The following RCN3 variants were observed in gnomAD, a reference collection of about 807,000 sequenced individuals.
The protein encoded by RCN3 is reticulocalbin 3.
A neutral mutation model predicts 35.9 loss-of-function variants in RCN3; 41 were observed. That is an observed-to-expected ratio of 1.14 (90% confidence interval 0.89 to 1.48). The LOEUF is 1.48. Ranked by LOEUF, RCN3 falls within the 40% of genes most tolerant of loss-of-function variation. The pLI is 0.00. For missense variants in RCN3, 451 were observed against 471.3 expected, an observed-to-expected ratio of 0.96 and a Z score of 0.40; for synonymous variants, 187 against 193.4, an observed-to-expected ratio of 0.97 and a Z score of 0.27.
intron 2 of RCN3, among the ~76,000 whole-genome samples, chr19:49,533,807 G>T: frequency 6.6e-6 from 1 of 152,172 alleles, no homozygotes; most frequent in Non-Finnish European, 1.5e-5. Flanking sequence ...GGCCCCCTTG[G>T]CAAGGGTCAC....
chr19:49,535,411 T>C (rs2080129238), intron 3 of RCN3, among the ~76,000 whole-genome samples: 1 of 152,144 alleles, frequency 6.6e-6, no homozygotes, highest in African/African-American at 2.4e-5. Flanking sequence ...ATTTCTTCTC[T>C]CTGAGAATCA....
intron 4 of RCN3, among the ~76,000 whole-genome samples, chr19:49,538,907 C>T (rs2080149717): frequency 1.3e-5 from 2 of 152,252 alleles, no homozygotes; most frequent in South Asian, 2.1e-4. Flanking sequence ...GCTCTGGCCC[C>T]GTAAATGCAG....
At position 49,534,371 on chromosome 19, in the gene RCN3, G is replaced by A. The variant is rs777595790; in HGVS notation, c.421G>A (p.Ala141Thr). Residue 141 changes from alanine (A) to threonine (T), a missense_variant, in exon 3 of 7, where the codon GCC becomes ACC. Physicochemically the swap from Ala to Thr is moderately conservative, Grantham distance 58 (BLOSUM62 0). Transcript: ENST00000270645. ...GRVGWEELRN[A>T]TYGHYAPGEE... ...TGTGGGTTGGGAGGAGCTGCGCAAC[G>A]CCACCTATGGCCACTACGCGCCCGG... The A allele has an allele frequency of 3.9e-6, 6 of 1,536,116 alleles. No homozygotes were observed. Among genetic ancestry groups the A allele is most frequent in the East Asian group, 2.5e-5 (1 of 39,654 alleles).
At chr19:49,533,933 C>T (rs1278671847) in intron 2 of RCN3, among the ~76,000 whole-genome samples, 1 of 152,002 alleles carries the variant, frequency 6.6e-6, no homozygotes, top group African/African-American at 2.4e-5. Context: ...TAGTAGGTCC[C>T]TCCCCCGCAG....
At chr19:49,532,663 C>CGCGCCTGTCCTGTCCTAA in intron 2 of RCN3, among the ~76,000 whole-genome samples, 2 of 151,356 alleles carry the variant, frequency 1.3e-5, no homozygotes, top group South Asian at 2.1e-4. Flanking sequence ...CGTGAGCCAC[C>CGCGCCTGTCCTGTCCTAA]GTGCCCGGCC....
intron 3 of RCN3, among the ~76,000 whole-genome samples, chr19:49,536,408 C>G (rs201331650): frequency 2.8e-5 from 4 of 143,716 alleles, no homozygotes. Flanking sequence ...TCAAGCAATT[C>G]TCCTGCCTCA....
intron 1 of RCN3, 115 bp downstream of exon 1, chr19:49,528,173 A>G (rs1380266682): frequency 1.1e-5 from 4 of 353,136 alleles, no homozygotes; most frequent in Admixed American, 4.7e-5. Flanking sequence ...GGCCACAACT[A>G]TGCCCTGCAC....
intron 2 of RCN3, among the ~76,000 whole-genome samples, chr19:49,532,357 G>C (rs1209290011): frequency 6.6e-6 from 1 of 151,508 alleles, no homozygotes; most frequent in African/African-American, 2.4e-5. Context: ...CGCCCTCCTC[G>C]GCCTCCAAAG....
At chr19:49,535,873 T>TATATATATAGATAG (rs1555811318) in intron 3 of RCN3, among the ~76,000 whole-genome samples, 1 of 144,794 alleles carries the variant, frequency 6.9e-6, no homozygotes, top group Admixed American at 7.0e-5. Context: ...TATATATATA[T>TATATATATAGATAG]ATAGATAGAT....
intron 5 of RCN3, among the ~76,000 whole-genome samples, chr19:49,541,695 G>C (rs1445023123): frequency 6.6e-6 from 1 of 151,920 alleles, no homozygotes; most frequent in Admixed American, 6.6e-5. Flanking sequence ...GTTGCAGTGA[G>C]CTGAGATTGT....
intron 6 of RCN3, 25 bp downstream of exon 6, chr19:49,542,777 A>C: frequency 6.4e-7 from 1 of 1,554,634 alleles, no homozygotes; most frequent in South Asian, 1.2e-5. Flanking sequence ...CCTCGGCAGG[A>C]GCGAGGAGCG....
chr19:49,539,085 C>G, intron 4 of RCN3, 34 bp from the exon 5 acceptor site: 2 of 1,530,454 alleles, frequency 1.3e-6, no homozygotes, highest in Non-Finnish European at 1.8e-6. Flanking sequence ...CCAGGGTCAT[C>G]GGCCCCCAGC....
intron 2 of RCN3, among the ~76,000 whole-genome samples, chr19:49,531,298 A>G (rs2080107155): frequency 6.6e-6 from 1 of 152,130 alleles, no homozygotes; most frequent in African/African-American, 2.4e-5. Flanking sequence ...CAGCCTAAGC[A>G]ACAGAGCAAG....
chr19:49,528,334 T>C, intron 1 of RCN3, 133 bp from the exon 2 acceptor site: 1 of 861,348 alleles, frequency 1.2e-6, no homozygotes, highest in Admixed American at 3.1e-5. Flanking sequence ...CCGCCCTTTT[T>C]GAGCCCGAAA....
intron 3 of RCN3, 145 bp from the exon 4 acceptor site, chr19:49,536,888 G>A: frequency 3.0e-6 from 2 of 673,982 alleles, no homozygotes; most frequent in South Asian, 8.5e-5. Context: ...TTACAGGCGT[G>A]AGCCACTGCA....
At chr19:49,535,116 C>T (rs529079940) in intron 3 of RCN3, among the ~76,000 whole-genome samples, 44 of 152,314 alleles carry the variant, frequency 2.9e-4, no homozygotes, top group African/African-American at 9.6e-4. Flanking sequence ...CCTGGGCCCC[C>T]AGGAGACGGT....
rs1555811302 is a variant in RCN3 at position 49,535,859 on chromosome 19, A to ATATATAT, written c.446-1174_446-1173insTATATAT. Among the ~76,000 whole-genome samples, 161 of 137,228 alleles carry ATATATAT rather than the reference A, an allele frequency of 1.2e-3. 2 individuals carry two copies. The highest frequency in any genetic ancestry group is 4.6e-3 in the African/African-American group (157 of 34,192). The allele number at this position is 137,228 out of a possible 152,430, so 90.0% of individuals were successfully genotyped here. On this transcript the variant is annotated intron_variant, in intron 3 of 6. Transcript: ENST00000270645. ...AGTGAGACTCTGTCTCAAAAAAAAA[A>ATATATAT]AAATATATATATATATAGATAGATA...
intron 2 of RCN3, among the ~76,000 whole-genome samples, chr19:49,531,299 A>G (rs1186294079): frequency 6.6e-6 from 1 of 152,188 alleles, no homozygotes; most frequent in Non-Finnish European, 1.5e-5. Flanking sequence ...AGCCTAAGCA[A>G]CAGAGCAAGA....
At chr19:49,528,404 C>T (rs1441220698) in intron 1 of RCN3, 63 bp from the exon 2 acceptor site, 2 of 1,419,600 alleles carry the variant, frequency 1.4e-6, no homozygotes, top group Admixed American at 2.8e-5. Context: ...CCCCGCCATT[C>T]TCCTATCCCG....
Sources: gnomAD v4.1 joint callset for allele counts (sites outside exome capture counted in the v4.1 genomes callset) on GRCh38, gnomAD v4.1.1 for gene constraint, MANE v1.5 for transcripts, NCBI Gene and HGNC (gene_info 2026-07-23, HGNC 2026-07-21) for gene names.